Variants in SPAG17 observed in about 807,000 individuals in gnomAD.
SPAG17 encodes sperm-associated antigen 17.
SPAG17 carries 169 observed loss-of-function variants against 273.6 expected under a neutral mutation model. That is an observed-to-expected ratio of 0.62 (90% confidence interval 0.55 to 0.70). SPAG17 has a LOEUF of 0.70. SPAG17 is among the 30% of genes least tolerant of loss of function. The pLI, the probability that SPAG17 is intolerant of heterozygous loss-of-function variation, is 0.00. For missense variants in SPAG17, 2,557 were observed against 2,627.8 expected (o/e 0.97, Z 0.59); for synonymous variants, 825 against 873.2 (o/e 0.94, Z 0.97).
intron 3 of SPAG17, among the ~76,000 whole-genome samples, chr1:118,149,471 C>T (rs781184833): frequency 1.9e-4 from 29 of 152,242 alleles, no homozygotes; most frequent in Middle Eastern, 6.8e-3. Context: ...TTTAAATCCA[C>T]GTATCACATA....
chr1:118,097,738 C>T lies in SPAG17; in HGVS notation c.943G>A (p.Val315Ile). The change falls in exon 7 of 49, where the codon GTT (valine) becomes ATT (isoleucine). Residue 315 changes from valine (V) to isoleucine (I), a missense_variant. Transcript: ENST00000336338. ...NEKPETNLFD[V>I]ARLEYMVKAA... The stretch of plus-strand genomic sequence containing the variant: ...TTGACCATGTACTCAAGTCGAGCAA[C>T]ATCAAAGAGATTTGTTTCAGGTTTC... 1.2e-6 allele frequency: 2 copies of T among 1,610,920 alleles called. No homozygotes were observed. The highest frequency in any genetic ancestry group is 1.7e-6 in the Non-Finnish European group (2 of 1,178,866).
In SPAG17 at chr1:118,086,657, C is replaced by A; in HGVS notation, c.1611+14G>T. 1.2e-6 allele frequency: 2 copies of A among 1,611,390 alleles called. No homozygotes were observed. The highest frequency in any genetic ancestry group is 1.7e-6 in the Non-Finnish European group (2 of 1,177,626). ...CCACATCGGTTTTCCTTGGGCTAACCTGATTATTATTACCTGTAGTGCGTA... is the reference window on the plus strand; with the variant it reads ...CCACATCGGTTTTCCTTGGGCTAACATGATTATTATTACCTGTAGTGCGTA... On this transcript the variant is annotated intron_variant, in intron 12 of 48. Transcript: ENST00000336338.
At chr1:117,968,221 C>A (rs1033809669) in intron 46 of SPAG17, among the ~76,000 whole-genome samples, 2 of 152,058 alleles carry the variant, frequency 1.3e-5, no homozygotes, top group African/African-American at 4.8e-5. Context: ...AGAGCCAAAA[C>A]CTACTATCAA....
chr1:117,985,490 G>C (rs2101615204), intron 40 of SPAG17, among the ~76,000 whole-genome samples: 1 of 152,282 alleles, frequency 6.6e-6, no homozygotes, highest in Non-Finnish European at 1.5e-5. Flanking sequence ...TATGAAGTAA[G>C]CTTGAGCATG....
At chr1:117,968,575 C>T (rs1274159881) in intron 46 of SPAG17, among the ~76,000 whole-genome samples, 1 of 152,200 alleles carries the variant, frequency 6.6e-6, no homozygotes, top group African/African-American at 2.4e-5. Context: ...GAGCATATTA[C>T]AGCTAGAAGG....
At chr1:118,041,692 C>T in intron 21 of SPAG17, 111 bp downstream of exon 21, 1 of 1,398,560 alleles carries the variant, frequency 7.2e-7, no homozygotes, top group South Asian at 1.4e-5. Flanking sequence ...CAGAAGAAAC[C>T]CTAGGCCTAC....
At chr1:118,166,703 C>CTATT (rs1660185304) in intron 1 of SPAG17, among the ~76,000 whole-genome samples, 1 of 152,052 alleles carries the variant, frequency 6.6e-6, no homozygotes, top group Non-Finnish European at 1.5e-5. Context: ...ATTGTTTGAG[C>CTATT]TATTGCAGGT....
At chr1:118,002,361 C>T (rs1658390568) in intron 32 of SPAG17, among the ~76,000 whole-genome samples, 1 of 152,156 alleles carries the variant, frequency 6.6e-6, no homozygotes, top group Admixed American at 6.5e-5. Context: ...GAACTGAGTT[C>T]AAGTCCTGGA....
intron 46 of SPAG17, 145 bp from the exon 47 acceptor site, chr1:117,966,898 A>G: frequency 1.6e-6 from 1 of 610,826 alleles, no homozygotes; most frequent in South Asian, 3.0e-5. Context: ...GGTAGTTATT[A>G]TAAGCATTTA....
At chr1:118,000,902 T>C (rs539170737) in intron 32 of SPAG17, among the ~76,000 whole-genome samples, 1 of 152,314 alleles carries the variant, frequency 6.6e-6, no homozygotes, top group African/African-American at 2.4e-5. Context: ...CTTGTGCCGG[T>C]TTTCAAAGGG....
rs1165223697 is a variant in SPAG17, at chr1:118,023,963, ACGTCACT to A, written c.3910-507_3910-501del. On this transcript the variant is annotated intron_variant, in intron 27 of 48. Coordinates refer to ENST00000336338, the MANE Select transcript of SPAG17 (RefSeq NM_206996.4). ...CTCCCAACAAACATGACAAGGACCAACGTCACTGTTGCTGATGAGAAGTCAAATGTCT... is the reference window on the plus strand; with the variant it reads ...CTCCCAACAAACATGACAAGGACCAAGTTGCTGATGAGAAGTCAAATGTCT... Among the ~76,000 whole-genome samples, 3 of 152,172 alleles carry A rather than the reference ACGTCACT, an allele frequency of 2.0e-5. No homozygotes were observed. The East Asian group carries it at 5.8e-4, about 29-fold the overall frequency.
chr1:118,177,867 GAATA>G (rs1660766585), intron 1 of SPAG17, among the ~76,000 whole-genome samples: 1 of 152,086 alleles, frequency 6.6e-6, no homozygotes, highest in Non-Finnish European at 1.5e-5. Flanking sequence ...ATTGAACCAT[GAATA>G]AATAGATAAT....
intron 42 of SPAG17, among the ~76,000 whole-genome samples, chr1:117,981,998 A>G (rs1354653038): frequency 6.6e-6 from 1 of 152,152 alleles, no homozygotes; most frequent in Non-Finnish European, 1.5e-5. Flanking sequence ...CCATTTCAAG[A>G]GGAGAATAAG....
chr1:118,146,246 C>G (rs1164932972), intron 3 of SPAG17, among the ~76,000 whole-genome samples: 1 of 152,156 alleles, frequency 6.6e-6, no homozygotes, highest in Non-Finnish European at 1.5e-5. Context: ...CTATGGTACA[C>G]GTAGAACTCT....
At chr1:118,024,446 T>A (rs1647491597) in intron 27 of SPAG17, among the ~76,000 whole-genome samples, 1 of 152,184 alleles carries the variant, frequency 6.6e-6, no homozygotes, top group African/African-American at 2.4e-5. Flanking sequence ...CAACTTTTAA[T>A]TTTTTAAAGT....
chr1:118,015,175 C>T (rs2101797580), intron 29 of SPAG17, among the ~76,000 whole-genome samples: 1 of 150,782 alleles, frequency 6.6e-6, no homozygotes, highest in African/African-American at 2.4e-5. Flanking sequence ...ATCCCAGCTA[C>T]ATGGGAGGCT....
chr1:118,184,090 C>T (rs902370951), intron 1 of SPAG17, among the ~76,000 whole-genome samples: 1 of 150,936 alleles, frequency 6.6e-6, no homozygotes, highest in Non-Finnish European at 1.5e-5. Flanking sequence ...GAAAAAAAAA[C>T]AGTTATAGTG....
chr1:118,165,781 A>G lies in SPAG17; in HGVS notation c.88-14412T>C, dbSNP rs550565168. On this transcript the variant is annotated intron_variant, in intron 1 of 48. Coordinates refer to ENST00000336338, the MANE Select transcript of SPAG17 (RefSeq NM_206996.4). ...CTGCTTCAGCCTCCCAAGTAGCTGG[A>G]ACTACAGGCTCCCGCCACCATGCCC... Among the ~76,000 whole-genome samples the G allele has an allele frequency of 3.7e-3, 552 of 151,170 alleles. 3 individuals are homozygous for G. Among genetic ancestry groups the G allele is most frequent in the African/African-American group, 0.011 (450 of 41,166 alleles).
At chr1:118,023,019 C>T (rs1647290681) in intron 28 of SPAG17, among the ~76,000 whole-genome samples, 1 of 152,066 alleles carries the variant, frequency 6.6e-6, no homozygotes, top group Non-Finnish European at 1.5e-5. Context: ...TACCAATCTG[C>T]CCAGTCAACC....
Sources: gnomAD v4.1 joint callset for allele counts (sites outside exome capture counted in the v4.1 genomes callset) on GRCh38, gnomAD v4.1.1 for gene constraint, MANE v1.5 for transcripts, NCBI Gene and HGNC (gene_info 2026-07-23, HGNC 2026-07-21) for gene names.